PCGF6: variants seen among roughly 807,000 people sequenced by gnomAD.
The protein encoded by PCGF6 is polycomb group RING finger protein 6.
PCGF6 carries 24 observed loss-of-function variants against 45.5 expected under a neutral mutation model. The observed-to-expected ratio is 0.53, with a 90% CI of 0.38 to 0.74. The LOEUF is 0.74. PCGF6 is among the 30% of genes least tolerant of loss of function. PCGF6 has a pLI of 0.00. For missense variants in PCGF6, 356 were observed against 443.2 expected, an observed-to-expected ratio of 0.80 and a Z score of 1.77; for synonymous variants, 152 against 162.1, an observed-to-expected ratio of 0.94 and a Z score of 0.47.
intron 9 of PCGF6, among the ~76,000 whole-genome samples, chr10:103,306,654 A>T (rs1014865801): frequency 6.6e-6 from 1 of 152,208 alleles, no homozygotes; most frequent in African/African-American, 2.4e-5. Flanking sequence ...ATTACAGTAA[A>T]AACTCACCAG....
intron 8 of PCGF6, among the ~76,000 whole-genome samples, chr10:103,315,053 C>G (rs2093169953): frequency 6.7e-6 from 1 of 149,910 alleles, no homozygotes; most frequent in East Asian, 2.0e-4. Flanking sequence ...GGAGGAATAT[C>G]TCATTTTCCA....
At chr10:103,340,828 C>G (rs1266325167) in intron 6 of PCGF6, among the ~76,000 whole-genome samples, 1 of 152,106 alleles carries the variant, frequency 6.6e-6, no homozygotes, top group Non-Finnish European at 1.5e-5. Flanking sequence ...GTGTCCAGCT[C>G]CTGGACTCCA....
At chr10:103,339,806 AAAAAACACACAC>A (rs1251287220) in intron 6 of PCGF6, among the ~76,000 whole-genome samples, 2,399 of 71,188 alleles carry the variant, frequency 0.034, 125 homozygotes, top group South Asian at 0.098. Flanking sequence ...TGTCTCAAAA[AAAAAACACACAC>A]ACACACACAC....
intron 7 of PCGF6, among the ~76,000 whole-genome samples, chr10:103,327,904 T>G (rs1216677831): frequency 6.6e-6 from 1 of 151,578 alleles, no homozygotes; most frequent in African/African-American, 2.4e-5. Context: ...CTCAATCTCC[T>G]GACCTCGTGA....
intron 6 of PCGF6, among the ~76,000 whole-genome samples, chr10:103,335,517 C>T (rs2093253501): frequency 6.6e-6 from 1 of 152,080 alleles, no homozygotes; most frequent in Non-Finnish European, 1.5e-5. Flanking sequence ...CACCCACCAC[C>T]ACACCCGGCT....
At chr10:103,340,193 A>AT (rs1564733488) in intron 6 of PCGF6, among the ~76,000 whole-genome samples, 106 of 108,352 alleles carry the variant, frequency 9.8e-4, no homozygotes, top group East Asian at 4.4e-3. Flanking sequence ...AAAAAAAAAA[A>AT]AAAAAATATA....
chr10:103,325,307 G>A (rs1236256860), intron 8 of PCGF6, among the ~76,000 whole-genome samples: 1 of 152,132 alleles, frequency 6.6e-6, no homozygotes, highest in Non-Finnish European at 1.5e-5. Flanking sequence ...AGGCTGGAGT[G>A]CAGTAGCGCA....
intron 6 of PCGF6, among the ~76,000 whole-genome samples, chr10:103,339,889 T>C (rs2093273763): frequency 7.4e-6 from 1 of 135,572 alleles, no homozygotes; most frequent in Admixed American, 7.7e-5. Context: ...TGAGGCCAGG[T>C]GCAGTGGCTC....
At position 103,350,083 on chromosome 10, in the gene PCGF6, AAAAAC is replaced by A. The variant is rs374769152; in HGVS notation, c.360+619_360+623del. Reference sequence around the variant, plus strand: ...GGGCGACAGAGCGAGACTCCGTCTCAAAAACAAAACAAAACAAAACAAAACAAAAG... The same window carrying A: ...GGGCGACAGAGCGAGACTCCGTCTCAAAAACAAAACAAAACAAAACAAAAG... On this transcript the variant is annotated intron_variant, in intron 1 of 9. Transcript: ENST00000369847. Among the ~76,000 whole-genome samples the A allele has an allele frequency of 2.3e-3, 337 of 145,212 alleles. 2 individuals are homozygous for A. Among genetic ancestry groups the A allele is most frequent in the Middle Eastern group, 0.013 (3 of 226 alleles).
intron 9 of PCGF6, among the ~76,000 whole-genome samples, chr10:103,305,849 A>T (rs2093136390): frequency 6.6e-6 from 1 of 151,586 alleles, no homozygotes; most frequent in African/African-American, 2.4e-5. Context: ...GGAGTTCAAG[A>T]CCAGCCTGGG....
chr10:103,326,753 TAG>T (rs1401797261), intron 7 of PCGF6, 121 bp from the exon 8 acceptor site: 4 of 587,682 alleles, frequency 6.8e-6, no homozygotes, highest in Non-Finnish European at 1.1e-5. Context: ...GATGATTCAA[TAG>T]ACTCTTGAAA....
At chr10:103,332,024 C>A (rs747149199) in intron 7 of PCGF6, among the ~76,000 whole-genome samples, 25 of 151,914 alleles carry the variant, frequency 1.6e-4, no homozygotes, top group South Asian at 6.2e-4. Flanking sequence ...GATCTCCTGA[C>A]CTCGTAATCT....
chr10:103,349,116 C>T (rs1422847199), intron 1 of PCGF6, 117 bp from the exon 2 acceptor site: 4 of 790,222 alleles, frequency 5.1e-6, no homozygotes, highest in Admixed American at 2.9e-5. Flanking sequence ...GATGTCATCT[C>T]GGTTCACTGC....
intron 6 of PCGF6, among the ~76,000 whole-genome samples, chr10:103,340,640 A>G (rs2093277389): frequency 6.6e-6 from 1 of 151,796 alleles, no homozygotes; most frequent in South Asian, 2.1e-4. Flanking sequence ...TCTGTCACCC[A>G]GGTTGGAATG....
At chr10:103,343,768 A>T (rs953171697) in intron 6 of PCGF6, among the ~76,000 whole-genome samples, 1 of 146,898 alleles carries the variant, frequency 6.8e-6, no homozygotes, top group Non-Finnish European at 1.5e-5. Context: ...GGGAGGCAGC[A>T]GTTGCAATAA....
At chr10:103,333,848 A>G (rs1277142756) in intron 7 of PCGF6, 77 bp downstream of exon 7, 2 of 1,025,214 alleles carry the variant, frequency 2.0e-6, no homozygotes, top group Non-Finnish European at 2.9e-6. Flanking sequence ...TACAATCTCC[A>G]TTTGGTTGCT....
chr10:103,324,864 G>A (rs2093211628), intron 8 of PCGF6, among the ~76,000 whole-genome samples: 1 of 151,752 alleles, frequency 6.6e-6, no homozygotes. Context: ...GCTGGGCATG[G>A]TGGCTCACGC....
chr10:103,307,917 A>C (rs1564721968), intron 9 of PCGF6, among the ~76,000 whole-genome samples: 1 of 152,218 alleles, frequency 6.6e-6, no homozygotes, highest in East Asian at 1.9e-4. Flanking sequence ...TCTTTATTGA[A>C]TTTTTAAAAA....
chr10:103,336,778 G>A (rs1265245624), intron 6 of PCGF6, among the ~76,000 whole-genome samples: 1 of 152,164 alleles, frequency 6.6e-6, no homozygotes, highest in African/African-American at 2.4e-5. Flanking sequence ...GAGAGGCTGA[G>A]GCAGGAGAAT....
Sources: gnomAD v4.1 joint callset for allele counts (sites outside exome capture counted in the v4.1 genomes callset) on GRCh38, gnomAD v4.1.1 for gene constraint, MANE v1.5 for transcripts, NCBI Gene and HGNC (gene_info 2026-07-23, HGNC 2026-07-21) for gene names.